SLC22A8: variants seen among roughly 807,000 people sequenced by gnomAD.
SLC22A8 encodes organic anion transporter 3.
A neutral mutation model predicts 48.4 loss-of-function variants in SLC22A8; 40 were observed. The ratio of observed to expected loss-of-function variants is 0.83; its 90% CI spans 0.64 to 1.08. The LOEUF (loss-of-function observed/expected upper bound fraction) is 1.08. Among genes scored for constraint, SLC22A8 ranks in the 50% least tolerant of loss-of-function variants. SLC22A8 has a pLI of 0.00. For synonymous variants in SLC22A8, 268 were observed against 286.3 expected (o/e 0.94, Z 0.65); for missense variants, 606 against 699.0 (o/e 0.87, Z 1.50).
chr11:63,005,384 G>C (rs1177572140), intron 2 of SLC22A8, among the ~76,000 whole-genome samples: 1 of 152,174 alleles, frequency 6.6e-6, no homozygotes, highest in African/African-American at 2.4e-5. Context: ...GATCTCACAG[G>C]GTAAGTGGCT....
intron 5 of SLC22A8, among the ~76,000 whole-genome samples, chr11:62,998,650 T>G (rs2086452107): frequency 6.6e-6 from 1 of 152,176 alleles, no homozygotes; most frequent in African/African-American, 2.4e-5. Context: ...CCCCCAGCTT[T>G]CTGTGCTCTC....
chr11:63,000,765 G>C lies in SLC22A8; in HGVS notation c.392C>G (p.Ala131Gly), dbSNP rs1241862157. The change falls in exon 3 of 11, where the codon GCA becomes GGA. Residue 131 changes from alanine (A) to glycine (G), a missense_variant. Physicochemically the swap from Ala to Gly is moderately conservative, Grantham distance 60. Coordinates refer to ENST00000336232, the MANE Select transcript of SLC22A8 (RefSeq NM_004254.4). ...CACGAGCCCTCCAATCAGTATACCT[G>C]CCATGAAGATAGACTGGGCCATCTC... ...LKEMAQSIFM[A>G]GILIGGLVLG... 6.2e-7 allele frequency: 1 copy of C among 1,613,996 alleles called. No homozygotes were observed. The highest frequency in any genetic ancestry group is 1.1e-5 in the South Asian group (1 of 91,076).
chr11:62,994,876 A>G lies in SLC22A8; in HGVS notation c.1002-120T>C, dbSNP rs2086396547. 6 of 751,124 alleles carry G rather than the reference A, an allele frequency of 8.0e-6. No homozygotes were observed. In the Admixed American group the frequency reaches 1.0e-4, roughly 13 times the overall value. The allele number at this position is 751,124 out of a possible 1,614,324, so 46.5% of individuals were successfully genotyped here. ...CTTCTTGTGCCAACTGCAACTGATG[A>G]TAGGGGCTGCTTGAGTGTCCTTTTG... On this transcript the variant is annotated intron_variant, in intron 7 of 10. Transcript: ENST00000336232.
chr11:63,014,339 T>C (rs2086650386), intron 2 of SLC22A8, among the ~76,000 whole-genome samples: 1 of 152,172 alleles, frequency 6.6e-6, no homozygotes, highest in African/African-American at 2.4e-5. Flanking sequence ...GTAGACCCCC[T>C]GGGAGCAGGC....
intron 2 of SLC22A8, among the ~76,000 whole-genome samples, chr11:63,006,623 T>TTTTTTTTTTG (rs1317151675): frequency 9.4e-5 from 12 of 127,856 alleles, no homozygotes; most frequent in African/African-American, 4.2e-4. Context: ...TTTTTTTTTT[T>TTTTTTTTTTG]TTGAGACAGA....
In SLC22A8 at chr11:63,005,915, C is replaced by T. The variant is rs544637020; in HGVS notation, c.334-5092G>A. Among the ~76,000 whole-genome samples the T allele has an allele frequency of 4.7e-4, 71 of 152,164 alleles. 1 individual carries two copies. The South Asian group carries it at 7.9e-3, about 17-fold the overall frequency. On this transcript the variant is annotated intron_variant, in intron 2 of 10. Transcript: ENST00000336232. ...AGCCCTAGGAAACTAATATACGGCA[C>T]GATTCCTGAATATTTGAAGGAACTG...
chr11:63,014,989 G>C lies in SLC22A8; in HGVS notation c.-25-6C>G. On this transcript the variant is annotated splice_region_variant and splice_polypyrimidine_tract_variant and intron_variant, in intron 1 of 10. Coordinates refer to ENST00000336232, the MANE Select transcript of SLC22A8 (RefSeq NM_004254.4). Reference sequence around the variant, plus strand: ...TGGGGCAAGACGAGCCAGAGCTGTGGGCAGGGCATAGGCCAGGGAGAGGTA... The same window carrying C: ...TGGGGCAAGACGAGCCAGAGCTGTGCGCAGGGCATAGGCCAGGGAGAGGTA... 6.6e-7 allele frequency: 1 copy of C among 1,521,280 alleles called. No homozygotes were observed. The allele number at this position is 1,521,280 out of a possible 1,614,324, so 94.2% of individuals were successfully genotyped here. A position where few individuals can be genotyped will look rare whatever the true frequency, so the allele number is the denominator to read the frequency against.
intron 2 of SLC22A8, among the ~76,000 whole-genome samples, chr11:63,009,852 G>A (rs1293243852): frequency 6.6e-6 from 1 of 152,240 alleles, no homozygotes; most frequent in African/African-American, 2.4e-5. Flanking sequence ...ACAGATGAGG[G>A]GACTGAAGCT....
At chr11:63,001,248 A>T (rs2086491097) in intron 2 of SLC22A8, among the ~76,000 whole-genome samples, 1 of 151,970 alleles carries the variant, frequency 6.6e-6, no homozygotes, top group Admixed American at 6.6e-5. Flanking sequence ...CATCCTGCAG[A>T]TCCAGTCTCT....
chr11:63,006,595 G>GGTTTTT (rs2086557104), intron 2 of SLC22A8, among the ~76,000 whole-genome samples: 2 of 51,402 alleles, frequency 3.9e-5, no homozygotes, highest in South Asian at 1.0e-3. Context: ...TCTCATTTGA[G>GGTTTTT]TTTTTTTTTT....
At chr11:63,009,894 C>G (rs1342028300) in intron 2 of SLC22A8, among the ~76,000 whole-genome samples, 1 of 152,082 alleles carries the variant, frequency 6.6e-6, no homozygotes, top group East Asian at 1.9e-4. Flanking sequence ...AGGTTGCTGA[C>G]TGTGGGGGAG....
At chr11:62,993,987 G>T (rs2086377677) in intron 8 of SLC22A8, 109 bp from the exon 9 acceptor site, 1 of 721,406 alleles carries the variant, frequency 1.4e-6, no homozygotes, top group East Asian at 2.6e-5. Flanking sequence ...AAGAAGCTCA[G>T]ATCCAAACTT....
At chr11:62,995,894 G>A (rs762492581) in intron 6 of SLC22A8, 75 bp from the exon 7 acceptor site, 42 of 1,495,662 alleles carry the variant, frequency 2.8e-5, no homozygotes, top group South Asian at 4.5e-5. Context: ...AGATGCAGGC[G>A]TGGTGCCTCT....
At chr11:62,998,302 G>A (rs2086447792) in intron 5 of SLC22A8, among the ~76,000 whole-genome samples, 1 of 151,984 alleles carries the variant, frequency 6.6e-6, no homozygotes, top group African/African-American at 2.4e-5. Context: ...GTGTGGCCTC[G>A]GGTTCAACAT....
chr11:63,007,714 A>G (rs2086572198), intron 2 of SLC22A8, among the ~76,000 whole-genome samples: 1 of 152,082 alleles, frequency 6.6e-6, no homozygotes, highest in Non-Finnish European at 1.5e-5. Flanking sequence ...AGGGTAGGAA[A>G]CTCACTGCCA....
At chr11:62,998,866 C>A in intron 5 of SLC22A8, 55 bp downstream of exon 5, 1 of 1,517,170 alleles carries the variant, frequency 6.6e-7, no homozygotes. Flanking sequence ...TATGGGCTCC[C>A]CTGTTTGGCC....
chr11:63,008,149 C>T (rs1035470202), intron 2 of SLC22A8, among the ~76,000 whole-genome samples: 4 of 152,040 alleles, frequency 2.6e-5, no homozygotes, highest in Admixed American at 1.3e-4. Flanking sequence ...GCTGCTCTGA[C>T]ATCATATCCA....
At chr11:62,994,012 C>A in intron 8 of SLC22A8, 134 bp from the exon 9 acceptor site, 2 of 664,116 alleles carry the variant, frequency 3.0e-6, no homozygotes, top group South Asian at 1.7e-5. Flanking sequence ...CTGAGTAATG[C>A]TTTGCATGCC....
chr11:63,006,595 GTTTTTTTTTTTTTTTTTTTTTTT>G (rs58058368), intron 2 of SLC22A8, among the ~76,000 whole-genome samples: 1 of 51,402 alleles, frequency 1.9e-5, no homozygotes, highest in South Asian at 1.0e-3. Context: ...TCTCATTTGA[GTTTTTTTTTTTTTTTTTTTTTTT>G]TTTTTTTGAG....
Sources: gnomAD v4.1 joint callset for allele counts (sites outside exome capture counted in the v4.1 genomes callset) on GRCh38, gnomAD v4.1.1 for gene constraint, MANE v1.5 for transcripts, NCBI Gene and HGNC (gene_info 2026-07-23, HGNC 2026-07-21) for gene names.